The following PKHD1L1 variants were observed in gnomAD, a reference collection of about 807,000 sequenced individuals.
PKHD1L1 encodes the protein PKHD1 like 1, also known as fibrocystin-L.
Under a neutral mutation model 462.9 loss-of-function variants are expected in PKHD1L1, and 434 were observed. The observed-to-expected ratio is 0.94, with a 90% CI of 0.87 to 1.02. The LOEUF (loss-of-function observed/expected upper bound fraction) is 1.02. Among genes scored for constraint, PKHD1L1 ranks in the 50% least tolerant of loss-of-function variants. The pLI is 0.00. For missense variants in PKHD1L1, 5,202 were observed against 5,096.1 expected, an observed-to-expected ratio of 1.02 and a Z score of -0.63; for synonymous variants, 1,781 against 1,750.0, an observed-to-expected ratio of 1.02 and a Z score of -0.44.
Position 109,364,561 on chromosome 8 carries a change from A to G in PKHD1L1, c.88A>G (p.Ile30Val). 6.3e-7 allele frequency: 1 copy of G among 1,597,068 alleles called. No individual in the cohort carries two copies. The change falls in exon 2 of 78, where the codon ATC (isoleucine) becomes GTC (valine). Residue 30 changes from isoleucine (I) to valine (V), a missense_variant. By Grantham distance (29) the Ile-to-Val change is conservative. Around this residue, in one of 3 missense-constraint regions of PKHD1L1, gnomAD observed 4,497 missense variants for 4,336.8 expected, o/e 1.04. Transcript: ENST00000378402. ...ADPSTDGSQI[I>V]PKVTEIIPKY... Reference sequence around the variant, plus strand: ...ATATTTTTCAGATGGCTCTCAAATAATCCCCAAAGTCACAGAAATAATACC... The same window carrying G: ...ATATTTTTCAGATGGCTCTCAAATAGTCCCCAAAGTCACAGAAATAATACC...
At chr8:109,405,690 GGT>G (rs957592385) in intron 16 of PKHD1L1, among the ~76,000 whole-genome samples, 3 of 151,860 alleles carry the variant, frequency 2.0e-5, no homozygotes, top group African/African-American at 7.3e-5. Flanking sequence ...CCTGTTGGGG[GGT>G]GGGGTCGGCA....
chr8:109,416,279 A>G (rs1447740908), intron 21 of PKHD1L1, among the ~76,000 whole-genome samples: 2 of 152,212 alleles, frequency 1.3e-5, no homozygotes, highest in African/African-American at 2.4e-5. Context: ...ACATGTTTCC[A>G]CAGAATGTAA....
chr8:109,470,260 T>A, intron 50 of PKHD1L1: 1 of 1,409,346 alleles, frequency 7.1e-7, no homozygotes, highest in Non-Finnish European at 1.0e-6. Context: ...TGAAAACAAA[T>A]ACTGTGATCT....
At chr8:109,410,668 G>A (rs1254799520) in intron 19 of PKHD1L1, among the ~76,000 whole-genome samples, 4 of 150,506 alleles carry the variant, frequency 2.7e-5, no homozygotes, top group Non-Finnish European at 5.9e-5. Context: ...TGGTGGGGAC[G>A]CAGATCCAAA....
At chr8:109,457,519 A>G (rs1449238677) in intron 46 of PKHD1L1, among the ~76,000 whole-genome samples, 1 of 152,140 alleles carries the variant, frequency 6.6e-6, no homozygotes, top group African/African-American at 2.4e-5. Context: ...GATAAATCCT[A>G]TTTGAGAGTT....
chr8:109,362,661 T>C lies in PKHD1L1; in HGVS notation c.73+8T>C. On this transcript the variant is annotated splice_region_variant and intron_variant, in intron 1 of 77. Coordinates refer to ENST00000378402, the MANE Select transcript of PKHD1L1 (RefSeq NM_177531.6). ...CCGCGGATCCCAGCACAGGTAACCC[T>C]TTGGGCACGCTAGGCAGGCAAGCAG... 6.3e-7 allele frequency: 1 copy of C among 1,594,868 alleles called. No homozygotes were observed. The highest frequency in any genetic ancestry group is 2.3e-5 in the East Asian group (1 of 44,096).
chr8:109,528,415 A>T (rs1226233146), intron 77 of PKHD1L1, among the ~76,000 whole-genome samples: 1 of 152,206 alleles, frequency 6.6e-6, no homozygotes, highest in Non-Finnish European at 1.5e-5. Flanking sequence ...ACTATTCCTC[A>T]CTACATGCAA....
At chr8:109,368,982 T>C (rs1811359841) in intron 2 of PKHD1L1, among the ~76,000 whole-genome samples, 1 of 151,876 alleles carries the variant, frequency 6.6e-6, no homozygotes, top group African/African-American at 2.4e-5. Context: ...TAGAATTACA[T>C]ATTTTTTTTT....
chr8:109,483,101 G>A lies in PKHD1L1; in HGVS notation c.9572G>A (p.Trp3191Ter), dbSNP rs1286840767. 7.6e-6 allele frequency: 12 copies of A among 1,570,362 alleles called. No individual in the cohort carries two copies. Among genetic ancestry groups the A allele is most frequent in the Non-Finnish European group, 1.0e-5 (12 of 1,158,318 alleles). The change falls in exon 57 of 78, where the codon TGG becomes TAG. Residue 3191 changes from tryptophan (W) to a stop codon, truncating the protein, a stop_gained. Transcript: ENST00000378402. LOFTEE classifies it high-confidence loss of function. ...CTGTCTCTGATGGATGCTGTGGATT[G>A]GCAGGTAGACAAAATAATTATGTAA... is the stretch of plus-strand genomic sequence containing the variant. ...KVLSLMDAVD[W>*]QEGEEIVITT...
At chr8:109,523,706 A>G (rs1478773252) in intron 76 of PKHD1L1, among the ~76,000 whole-genome samples, 2 of 152,214 alleles carry the variant, frequency 1.3e-5, no homozygotes, top group African/African-American at 4.8e-5. Flanking sequence ...TTTCAAATTC[A>G]ATAAAAGAAA....
At chr8:109,489,714 A>G (rs1482618769) in intron 59 of PKHD1L1, among the ~76,000 whole-genome samples, 1 of 151,920 alleles carries the variant, frequency 6.6e-6, no homozygotes, top group East Asian at 1.9e-4. Context: ...GATATATGGT[A>G]TATATGCGTT....
Position 109,364,556 on chromosome 8 carries a change from AAAT to A in PKHD1L1, c.87_89del (p.Ile30del). ...TTTTAATATTTTTCAGATGGCTCTC[AAAT>A]AATCCCCAAAGTCACAGAAATAATA... On this transcript the variant is annotated inframe_deletion, in exon 2 of 78. Transcript: ENST00000378402. The A allele has an allele frequency of 6.3e-7, 1 of 1,595,102 alleles. No individual in the cohort carries two copies. Among genetic ancestry groups the A allele is most frequent in the Non-Finnish European group, 8.6e-7 (1 of 1,166,302 alleles).
intron 7 of PKHD1L1, 129 bp downstream of exon 7, chr8:109,388,679 A>C (rs2130468170): frequency 1.5e-6 from 1 of 683,742 alleles, no homozygotes; most frequent in East Asian, 2.8e-5. Context: ...ATAATATTCC[A>C]CATAGCGCAT....
chr8:109,479,957 ATTATG>A (rs759623269), intron 54 of PKHD1L1, 29 bp from the exon 55 acceptor site: 33 of 1,514,300 alleles, frequency 2.2e-5, no homozygotes, highest in Admixed American at 2.6e-5. Context: ...TAGTTTATGG[ATTATG>A]TTATATTTCT....
intron 2 of PKHD1L1, among the ~76,000 whole-genome samples, chr8:109,376,229 G>T (rs551813356): frequency 6.6e-6 from 1 of 152,182 alleles, no homozygotes; most frequent in Non-Finnish European, 1.5e-5. Flanking sequence ...CCTCGCTGCC[G>T]CCTTGCAGTT....
chr8:109,376,706 A>C (rs1811855125), intron 2 of PKHD1L1, among the ~76,000 whole-genome samples: 1 of 152,222 alleles, frequency 6.6e-6, no homozygotes, highest in Non-Finnish European at 1.5e-5. Flanking sequence ...AGATCTTAGC[A>C]GATATCTGAT....
intron 55 of PKHD1L1, 117 bp from the exon 56 acceptor site, chr8:109,481,316 A>G: frequency 1.1e-6 from 1 of 917,018 alleles, no homozygotes; most frequent in Non-Finnish European, 1.5e-6. Context: ...TGTTCTTTAT[A>G]TAACAAAACT....
At chr8:109,424,500 G>A (rs966354133) in intron 23 of PKHD1L1, among the ~76,000 whole-genome samples, 9 of 152,140 alleles carry the variant, frequency 5.9e-5, no homozygotes, top group African/African-American at 2.2e-4. Flanking sequence ...TAACTATAAG[G>A]TATCATCAAC....
chr8:109,395,466 A>G (rs563235130), intron 10 of PKHD1L1, among the ~76,000 whole-genome samples: 2 of 152,332 alleles, frequency 1.3e-5, no homozygotes, highest in Admixed American at 6.5e-5. Flanking sequence ...AACTTCCTAG[A>G]AGTTTATTTA....
Sources: allele counts gnomAD v4.1 joint callset (sites outside exome capture counted in the v4.1 genomes callset), GRCh38; gene constraint gnomAD v4.1.1; regional missense constraint gnomAD v4.1.1; transcripts MANE v1.5; gene names NCBI Gene and HGNC (gene_info 2026-07-23, HGNC 2026-07-21).